Variants in PAM observed in about 807,000 individuals in gnomAD.
The protein encoded by PAM is peptidyl-glycine alpha-amidating monooxygenase.
Under a neutral mutation model 122.1 loss-of-function variants are expected in PAM, and 72 were observed. The ratio of observed to expected loss-of-function variants is 0.59; its 90% CI spans 0.49 to 0.72. The LOEUF is 0.72. Ranked by LOEUF, PAM falls within the 30% of genes least tolerant of loss-of-function variation. PAM has a pLI of 0.00. For synonymous variants in PAM, 389 were observed against 404.4 expected (o/e 0.96, Z 0.46); for missense variants, 1,106 against 1,183.7 (o/e 0.93, Z 0.96).
chr5:102,789,723 T>C (rs1761555772), intron 1 of PAM, among the ~76,000 whole-genome samples: 1 of 152,050 alleles, frequency 6.6e-6, no homozygotes. Context: ...GTGGTAATGG[T>C]TGTGCAACAG....
rs776412268 is a variant in PAM, at chr5:103,019,777, T to G, written c.2432-13T>G. 7 of 1,578,022 alleles carry G rather than the reference T, an allele frequency of 4.4e-6. No homozygotes were observed. Among genetic ancestry groups the G allele is most frequent in the South Asian group, 3.3e-5 (3 of 90,388 alleles). On this transcript the variant is annotated splice_polypyrimidine_tract_variant and intron_variant, in intron 22 of 25. Coordinates refer to ENST00000438793, the MANE Select transcript of PAM (RefSeq NM_001177306.2). Reference sequence around the variant, plus strand: ...GATTCTGACTTTTCTCTCTCCTTGTTGTGTTGTTACAGAATTGGAACATCG... The same window carrying G: ...GATTCTGACTTTTCTCTCTCCTTGTGGTGTTGTTACAGAATTGGAACATCG...
chr5:102,871,266 T>C (rs910998850), intron 3 of PAM, among the ~76,000 whole-genome samples: 1 of 152,182 alleles, frequency 6.6e-6, no homozygotes, highest in African/African-American at 2.4e-5. Flanking sequence ...TAATGTTCAG[T>C]TGCCTTGCAC....
chr5:102,949,515 T>A, intron 9 of PAM, 22 bp from the exon 10 acceptor site: 1 of 1,185,592 alleles, frequency 8.4e-7, no homozygotes, highest in Non-Finnish European at 1.3e-6. Context: ...GTGACTTTTG[T>A]CTGTGTTTTC....
chr5:102,907,846 G>T (rs1163039354), intron 4 of PAM, among the ~76,000 whole-genome samples: 1 of 151,910 alleles, frequency 6.6e-6, no homozygotes, highest in Non-Finnish European at 1.5e-5. Flanking sequence ...AAATTTGTTG[G>T]AGTTCATTGT....
intron 3 of PAM, among the ~76,000 whole-genome samples, chr5:102,886,377 AT>A (rs1793095994): frequency 6.6e-6 from 1 of 152,004 alleles, no homozygotes; most frequent in Non-Finnish European, 1.5e-5. Context: ...GGCATATATA[AT>A]ATTTTTATAG....
Position 103,003,034 on chromosome 5 carries a change from T to C in PAM, c.1615T>C (p.Ser539Pro), listed in dbSNP as rs887987117. Residue 539 changes from serine to proline, a missense_variant and splice_region_variant, in exon 17 of 26, where the codon TCG becomes CCG. By Grantham distance (74) the Ser-to-Pro change is moderately conservative. Around this residue, in one of 3 missense-constraint regions of PAM, gnomAD observed 670 missense variants for 690.3 expected, o/e 0.97. Transcript: ENST00000438793. Reference protein sequence around the residue: ...HRGDHVWDGNSFDSKFVYQQI... With the variant: ...HRGDHVWDGNPFDSKFVYQQI... ...TCCTATTTAATGCTTTTTGTTTAGC[T>C]CGTTTGACAGCAAGTTTGTTTACCA... 2.0e-6 allele frequency: 3 copies of C among 1,483,696 alleles called. No homozygotes were observed. The highest frequency in any genetic ancestry group is 1.7e-4 in the Middle Eastern group (1 of 5,806). The allele number at this position is 1,483,696 out of a possible 1,614,324, so 91.9% of individuals were successfully genotyped here.
At chr5:102,820,393 A>C (rs1229816617) in intron 1 of PAM, among the ~76,000 whole-genome samples, 1 of 152,206 alleles carries the variant, frequency 6.6e-6, no homozygotes, top group Non-Finnish European at 1.5e-5. Context: ...TAAAATTTTT[A>C]TAACTGTTAG....
intron 1 of PAM, among the ~76,000 whole-genome samples, chr5:102,831,614 T>A (rs1386568046): frequency 6.6e-6 from 1 of 152,156 alleles, no homozygotes; most frequent in Non-Finnish European, 1.5e-5. Flanking sequence ...TGTATCATGA[T>A]GTTAGGAATG....
chr5:103,002,025 C>A (rs560517294), intron 16 of PAM, among the ~76,000 whole-genome samples: 1 of 151,742 alleles, frequency 6.6e-6, no homozygotes, highest in Non-Finnish European at 1.5e-5. Context: ...CATACACACC[C>A]ACACACACAC....
In PAM at chr5:102,860,340, G is replaced by A. The variant is rs951446023; in HGVS notation, c.-373-5483G>A. Among the ~76,000 whole-genome samples, 4 of 152,318 alleles carry A rather than the reference G, an allele frequency of 2.6e-5. No homozygotes were observed. In the East Asian group the frequency reaches 7.7e-4, roughly 29 times the overall value. On this transcript the variant is annotated intron_variant, in intron 1 of 25. Coordinates refer to ENST00000438793, the MANE Select transcript of PAM (RefSeq NM_001177306.2). ...GGGCAAGTGAGATAAAGTACACAAA[G>A]AGGAAGGTCTTGTGCAGGGCTTTGA...
chr5:103,010,919 T>C (rs553774615), intron 21 of PAM, among the ~76,000 whole-genome samples: 55 of 152,300 alleles, frequency 3.6e-4, no homozygotes, highest in African/African-American at 1.3e-3. Context: ...CATTTATCCT[T>C]TGTGTTACAA....
chr5:103,000,436 C>G (rs1342005215), intron 16 of PAM, among the ~76,000 whole-genome samples: 2 of 152,214 alleles, frequency 1.3e-5, no homozygotes, highest in Non-Finnish European at 2.9e-5. Flanking sequence ...ATCTTCCTGT[C>G]TTCTTCTGAG....
At chr5:102,985,091 G>C (rs1771309536) in intron 15 of PAM, among the ~76,000 whole-genome samples, 1 of 152,070 alleles carries the variant, frequency 6.6e-6, no homozygotes, top group Non-Finnish European at 1.5e-5. Context: ...GCAGTGCTAA[G>C]AGGGGAGTTT....
intron 1 of PAM, among the ~76,000 whole-genome samples, chr5:102,829,576 A>T (rs1037247376): frequency 6.6e-6 from 1 of 152,038 alleles, no homozygotes; most frequent in East Asian, 1.9e-4. Flanking sequence ...AGGTTTCACC[A>T]TGTTAGCCAG....
chr5:102,934,812 T>C (rs908900353), intron 7 of PAM, among the ~76,000 whole-genome samples: 2 of 152,206 alleles, frequency 1.3e-5, no homozygotes, highest in Non-Finnish European at 2.9e-5. Context: ...ATAAATATCA[T>C]CATATTCATT....
At chr5:102,800,815 C>T (rs529367202) in intron 1 of PAM, among the ~76,000 whole-genome samples, 1 of 152,212 alleles carries the variant, frequency 6.6e-6, no homozygotes, top group African/African-American at 2.4e-5. Context: ...ATCTTCTCTT[C>T]CCTTTTCCTT....
chr5:102,801,307 A>T (rs1471612862), intron 1 of PAM, among the ~76,000 whole-genome samples: 1 of 152,214 alleles, frequency 6.6e-6, no homozygotes. Context: ...AGAAAAAATC[A>T]GGGCATTCGA....
intron 1 of PAM, among the ~76,000 whole-genome samples, chr5:102,779,658 C>A (rs466404): frequency 0.35 from 53,198 of 151,058 alleles, 9,811 homozygotes; most frequent in Non-Finnish European, 0.4. Flanking sequence ...TAATCAGCGG[C>A]CAGTGAATAT....
chr5:102,942,535 G>A (rs1307312760), intron 7 of PAM, among the ~76,000 whole-genome samples: 1 of 151,932 alleles, frequency 6.6e-6, no homozygotes, highest in African/African-American at 2.4e-5. Context: ...CACTCTGGGA[G>A]GGTGGGAAGA....
Sources: gnomAD v4.1 joint callset for allele counts (sites outside exome capture counted in the v4.1 genomes callset) on GRCh38, gnomAD v4.1.1 for gene constraint, gnomAD v4.1.1 regional missense constraint, MANE v1.5 for transcripts, NCBI Gene and HGNC (gene_info 2026-07-23, HGNC 2026-07-21) for gene names.